The following PDXDC1 variants were observed in gnomAD, a reference collection of about 807,000 sequenced individuals.
PDXDC1 encodes pyridoxal dependent decarboxylase domain containing 1.
Under a neutral mutation model 100.1 loss-of-function variants are expected in PDXDC1, and 42 were observed. The observed-to-expected ratio is 0.42, with a 90% CI of 0.33 to 0.54. The LOEUF (loss-of-function observed/expected upper bound fraction) is 0.54. PDXDC1 is among the 20% of genes least tolerant of loss of function. The pLI, the probability that PDXDC1 is intolerant of heterozygous loss-of-function variation, is 0.10. For missense variants in PDXDC1, 636 were observed against 979.2 expected, an observed-to-expected ratio of 0.65 and a Z score of 4.68; for synonymous variants, 260 against 371.7, an observed-to-expected ratio of 0.70 and a Z score of 3.46.
intron 16 of PDXDC1, among the ~76,000 whole-genome samples, chr16:15,124,197 G>A (rs1037850330): frequency 1.4e-4 from 22 of 152,128 alleles, no homozygotes; most frequent in African/African-American, 4.1e-4. Context: ...CCAAGCAGGT[G>A]GGCAGGACCC....
At chr16:15,143,797 C>A (rs2048511333), downstream of PDXDC1, among the ~76,000 whole-genome samples, 1 of 152,242 alleles carries the variant, frequency 6.6e-6, no homozygotes, top group South Asian at 2.1e-4. Context: ...CAGAGCCTCA[C>A]ACTCAGAGCT....
chr16:15,074,877 G>C, intron 16 of PDXDC1: 1 of 1,597,334 alleles, frequency 6.3e-7, no homozygotes, highest in Non-Finnish European at 8.5e-7. Context: ...AAGACAAAAA[G>C]TAAATACTAA....
rs1428453433 is a variant in PDXDC1 at position 14,975,044 on chromosome 16, G to A, written c.-156G>A. 5.3e-6 allele frequency: 8 copies of A among 1,521,974 alleles called. No individual in the cohort carries two copies. Among genetic ancestry groups the A allele is most frequent in the Admixed American group, 4.3e-5 (2 of 46,004 alleles). 94.3% of individuals were successfully genotyped at this position (1,521,974 alleles called of 1,614,324 possible). On this transcript the variant is annotated 5_prime_UTR_variant, in exon 1 of 23. Coordinates refer to ENST00000396410, the MANE Select transcript of PDXDC1 (RefSeq NM_015027.4). ...CCGCCGCCTCTCAACCATCAGGTTC[G>A]GCAGCCCGCGGCGCCGCCTGGCAGC...
intron 16 of PDXDC1, chr16:15,068,102 C>T: frequency 2.0e-6 from 3 of 1,501,444 alleles, no homozygotes; most frequent in Non-Finnish European, 2.7e-6. Context: ...AACACTCTTA[C>T]AATACTAGAT....
At chr16:15,033,081 G>T in intron 18 of PDXDC1, 102 bp downstream of exon 18, 1 of 987,338 alleles carries the variant, frequency 1.0e-6, no homozygotes, top group Non-Finnish European at 1.6e-6. Flanking sequence ...CGCCTCTCGG[G>T]CTGGGTTCCA....
chr16:15,081,541 T>C lies in PDXDC1; in HGVS notation c.1399+51485T>C, dbSNP rs537023698. Among the ~76,000 whole-genome samples the C allele has an allele frequency of 1.7e-3, 261 of 152,362 alleles. 1 individual carries two copies. The highest frequency in any genetic ancestry group is 6.2e-3 in the African/African-American group (256 of 41,584). ...ACTTCAGTTGGGCTATTTGCCCTTTTATTATTCAATTATAAGAGTTCTTTA... is the reference window on the plus strand; with the variant it reads ...ACTTCAGTTGGGCTATTTGCCCTTTCATTATTCAATTATAAGAGTTCTTTA... On this transcript the variant is annotated intron_variant, in intron 16 of 16. Transcript: ENST00000535621.
chr16:15,078,422 C>T (rs2151796191), intron 16 of PDXDC1, among the ~76,000 whole-genome samples: 1 of 152,184 alleles, frequency 6.6e-6, no homozygotes, highest in South Asian at 2.1e-4. Flanking sequence ...ATTCTGCTTC[C>T]CCACCATCCA....
At chr16:15,027,450 G>C (rs529687448) in intron 14 of PDXDC1, among the ~76,000 whole-genome samples, 105 of 152,352 alleles carry the variant, frequency 6.9e-4, no homozygotes, top group African/African-American at 2.4e-3. Flanking sequence ...AGCTCACTTA[G>C]ACCCCCTTCC....
chr16:15,030,470 T>C (rs77927814), intron 16 of PDXDC1, among the ~76,000 whole-genome samples: 44,774 of 136,816 alleles, frequency 0.33, 7,324 homozygotes, highest in East Asian at 0.51. Context: ...CACTTGAACC[T>C]GGGAGGCCGA....
At position 15,037,712 on chromosome 16, in the gene PDXDC1, T is replaced by TATTA. The variant is rs372756306; in HGVS notation, c.*1438_*1441dup. 654 of 218,130 alleles carry TATTA rather than the reference T, an allele frequency of 3.0e-3. 9 individuals are homozygous for TATTA. The highest frequency in any genetic ancestry group is 0.014 in the African/African-American group (611 of 44,238). 13.5% of individuals were successfully genotyped at this position (218,130 alleles called of 1,614,324 possible). A position where few individuals can be genotyped will look rare whatever the true frequency, so the allele number is the denominator to read the frequency against. On this transcript the variant is annotated 3_prime_UTR_variant, in exon 23 of 23. Coordinates refer to ENST00000396410, the MANE Select transcript of PDXDC1 (RefSeq NM_015027.4). ...ACCAGTGAATTCAGTTTATAAATCTTATTACAAAAGACTTACCCACGTACC... is the reference window on the plus strand; with the variant it reads ...ACCAGTGAATTCAGTTTATAAATCTTATTAATTACAAAAGACTTACCCACGTACC...
downstream of PDXDC1, chr16:15,039,910 C>G: frequency 1.0e-6 from 1 of 953,790 alleles, no homozygotes; most frequent in Non-Finnish European, 1.6e-6. Flanking sequence ...AAACTTAAGG[C>G]CTTGACATTT....
chr16:15,104,224 TA>T (rs2046676724), intron 16 of PDXDC1: 20 of 1,163,650 alleles, frequency 1.7e-5, no homozygotes, highest in East Asian at 2.6e-5. Context: ...TTCTAAAGAT[TA>T]AAAAAACCCC....
chr16:15,007,428 C>T (rs1407662562), intron 6 of PDXDC1, among the ~76,000 whole-genome samples: 6 of 152,270 alleles, frequency 3.9e-5, no homozygotes, highest in African/African-American at 1.4e-4. Context: ...CCCACCTCAG[C>T]CTCCCAAAGT....
downstream of PDXDC1, chr16:15,040,096 T>TCA: frequency 7.8e-7 from 1 of 1,284,476 alleles, no homozygotes; most frequent in East Asian, 2.3e-5. Context: ...GACTCTGAAT[T>TCA]GACAAAAGAC....
In PDXDC1 at chr16:15,056,036, G is replaced by T. The variant is rs1490612732; in HGVS notation, c.1399+25980G>T. On this transcript the variant is annotated intron_variant, in intron 16 of 16. Transcript: ENST00000535621. ...GCCCCCCGCTTTGCAGCCCCGGGCC[G>T]CCCGCCGCCCCCGCCCCTCGGGCCG... 4.0e-6 allele frequency: 3 copies of T among 741,170 alleles called. No individual in the cohort carries two copies. In the South Asian group the frequency reaches 1.8e-4, roughly 46 times the overall value. The allele number at this position is 741,170 out of a possible 1,614,324, so 45.9% of individuals were successfully genotyped here. A position where few individuals can be genotyped will look rare whatever the true frequency, so the allele number is the denominator to read the frequency against.
intron 16 of PDXDC1, chr16:15,104,792 T>C (rs769335388): frequency 2.4e-5 from 38 of 1,567,958 alleles, no homozygotes; most frequent in Non-Finnish European, 3.0e-5. Context: ...TTTTCACACA[T>C]ATTCATTTGA....
At chr16:15,034,220 T>C in intron 19 of PDXDC1, 66 bp from the exon 20 acceptor site, 2 of 1,381,158 alleles carry the variant, frequency 1.4e-6, no homozygotes, top group Non-Finnish European at 2.1e-6. Context: ...AGTGCTGTGT[T>C]ACTAGCTCTT....
At chr16:15,146,385 C>T in the PDXDC1 span, among the ~76,000 whole-genome samples, 4 of 152,152 alleles carry the variant, frequency 2.6e-5, no homozygotes, top group Admixed American at 6.5e-5. Context: ...GGGCACTGAG[C>T]GGAACTCAGG....
intron 16 of PDXDC1, among the ~76,000 whole-genome samples, chr16:15,129,017 G>A (rs1402510619): frequency 6.6e-6 from 1 of 151,236 alleles, no homozygotes; most frequent in Non-Finnish European, 1.5e-5. Flanking sequence ...CCGTTAGCCA[G>A]GATGGTCTCG....
Sources: allele counts gnomAD v4.1 joint callset (sites outside exome capture counted in the v4.1 genomes callset), GRCh38; gene constraint gnomAD v4.1.1; transcripts MANE v1.5; gene names NCBI Gene and HGNC (gene_info 2026-07-23, HGNC 2026-07-21).